REV3L: variants seen among roughly 807,000 people sequenced by gnomAD.
The protein encoded by REV3L is REV3 like, DNA directed polymerase zeta catalytic subunit.
Under a neutral mutation model 299.4 loss-of-function variants are expected in REV3L, and 69 were observed. The observed-to-expected ratio is 0.23, with a 90% CI of 0.19 to 0.28. The LOEUF (loss-of-function observed/expected upper bound fraction) is 0.28. Ranked by LOEUF, REV3L falls within the 10% of genes least tolerant of loss-of-function variation. The pLI is 1.00. For missense variants in REV3L, 3,128 were observed against 3,693.8 expected (o/e 0.85, Z 3.97); for synonymous variants, 1,238 against 1,271.4 (o/e 0.97, Z 0.56).
chr6:111,454,524 G>C (rs1789945734), intron 1 of REV3L, among the ~76,000 whole-genome samples: 1 of 151,932 alleles, frequency 6.6e-6, no homozygotes, highest in South Asian at 2.1e-4. Context: ...CACAAACTCT[G>C]TACCCATTAA....
chr6:111,357,218 A>ATGTTATATAT, intron 17 of REV3L, 93 bp from the exon 18 acceptor site: 2 of 393,352 alleles, frequency 5.1e-6, no homozygotes, highest in Non-Finnish European at 8.7e-6. Context: ...CTTTTAAGTA[A>ATGTTATATAT]AATTGTACTA....
chr6:111,447,201 G>T (rs571994493), intron 1 of REV3L, among the ~76,000 whole-genome samples: 16 of 152,254 alleles, frequency 1.1e-4, no homozygotes, highest in Non-Finnish European at 2.2e-4. Flanking sequence ...ACTTAATACG[G>T]GTGGCTGCAA....
chr6:111,422,633 CATAT>C lies in REV3L; in HGVS notation c.140-6165_140-6162del, dbSNP rs61502240. Among the ~76,000 whole-genome samples, 76 of 17,078 alleles carry C rather than the reference CATAT, an allele frequency of 4.5e-3. 13 individuals are homozygous for C. The highest frequency in any genetic ancestry group is 0.026 in the East Asian group (27 of 1,048). 11.2% of individuals were successfully genotyped at this position (17,078 alleles called of 152,430 possible). A position where few individuals can be genotyped will look rare whatever the true frequency, so the allele number is the denominator to read the frequency against. The stretch of plus-strand genomic sequence containing the variant: ...ATATACACATATATATATATATACA[CATAT>C]ATATATATATACATATATATATATA... On this transcript the variant is annotated intron_variant, in intron 1 of 31. Transcript: ENST00000368802.
intron 18 of REV3L, chr6:111,356,759 C>A: frequency 4.8e-6 from 1 of 210,200 alleles, no homozygotes. Context: ...TAGTTAGAGG[C>A]TAAACAAATA....
At chr6:111,328,200 A>G (rs777663628) in intron 25 of REV3L, among the ~76,000 whole-genome samples, 3 of 152,240 alleles carry the variant, frequency 2.0e-5, no homozygotes, top group Non-Finnish European at 2.9e-5. Flanking sequence ...GTTGTGCTTT[A>G]TATCTACTGG....
intron 1 of REV3L, chr6:111,431,804 T>C (rs1300084124): frequency 2.5e-5 from 17 of 681,882 alleles, no homozygotes; most frequent in Admixed American, 4.4e-5. Flanking sequence ...TATTTGATTA[T>C]ATATTATGTA....
At chr6:111,403,766 C>A (rs1160468673) in intron 4 of REV3L, among the ~76,000 whole-genome samples, 1 of 152,130 alleles carries the variant, frequency 6.6e-6, no homozygotes, top group Non-Finnish European at 1.5e-5. Flanking sequence ...CACTTTAAAT[C>A]AAAAACTAAA....
At chr6:111,462,753 T>A (rs1000591914) in intron 1 of REV3L, among the ~76,000 whole-genome samples, 18 of 152,190 alleles carry the variant, frequency 1.2e-4, no homozygotes, top group African/African-American at 3.4e-4. Context: ...CATTACTTAG[T>A]AGAGATGTGC....
intron 1 of REV3L, among the ~76,000 whole-genome samples, chr6:111,467,789 C>A (rs1791687178): frequency 6.6e-6 from 1 of 152,082 alleles, no homozygotes; most frequent in Non-Finnish European, 1.5e-5. Flanking sequence ...ATTTTTATAT[C>A]CTCAGGGATT....
Position 111,483,067 on chromosome 6 carries a change from G to GCCT in REV3L, c.-182_-180dup, listed in dbSNP as rs1233054951. Reference sequence around the variant, plus strand: ...GGGCGGTGTAGGCGCTGCTGCCGCCGCCTCCTCAGGAGCACCCGGCAAGGG... The same window carrying GCCT: ...GGGCGGTGTAGGCGCTGCTGCCGCCGCCTCCTCCTCAGGAGCACCCGGCAAGGG... On this transcript the variant is annotated 5_prime_UTR_variant, in exon 1 of 32. Coordinates refer to ENST00000368802, the MANE Select transcript of REV3L (RefSeq NM_001372078.1). 3.6e-4 allele frequency: 257 copies of GCCT among 707,056 alleles called. No individual in the cohort carries two copies. The highest frequency in any genetic ancestry group is 4.9e-4 in the Non-Finnish European group (236 of 480,810). The allele number at this position is 707,056 out of a possible 1,614,324, so 43.8% of individuals were successfully genotyped here.
At chr6:111,344,110 G>C in intron 20 of REV3L, 67 bp from the exon 21 acceptor site, 5 of 999,162 alleles carry the variant, frequency 5.0e-6, no homozygotes, top group South Asian at 1.6e-5. Context: ...GGTTCTAAAA[G>C]ATACCAATAT....
At chr6:111,421,309 G>T (rs558154508) in intron 1 of REV3L, among the ~76,000 whole-genome samples, 3 of 152,004 alleles carry the variant, frequency 2.0e-5, no homozygotes, top group Admixed American at 2.0e-4. Flanking sequence ...ATTCAGTTTC[G>T]ATAAACACAA....
At chr6:111,440,096 C>T (rs1009437304) in intron 1 of REV3L, among the ~76,000 whole-genome samples, 1 of 151,580 alleles carries the variant, frequency 6.6e-6, no homozygotes, top group African/African-American at 2.4e-5. Flanking sequence ...GGAGGAGTTT[C>T]GCTCTTGTTG....
chr6:111,464,356 A>C (rs923510952), intron 1 of REV3L, among the ~76,000 whole-genome samples: 5 of 152,240 alleles, frequency 3.3e-5, no homozygotes, highest in Non-Finnish European at 7.3e-5. Context: ...TACCCTACCT[A>C]CTGGCAAACA....
chr6:111,413,606 T>G lies in REV3L; in HGVS notation c.330-2052A>C, dbSNP rs1378378556. On this transcript the variant is annotated intron_variant, in intron 2 of 31. Transcript: ENST00000368802. ...TTTGGTAGCTAGATGCAACTTTATG[T>G]AACTTAAGTAGGAAAAATTGAAGGA... 2.0e-5 allele frequency among the ~76,000 whole-genome samples: 3 copies of G among 151,970 alleles called. No individual in the cohort carries two copies. In the East Asian group the frequency reaches 5.8e-4, roughly 29 times the overall value.
intron 25 of REV3L, among the ~76,000 whole-genome samples, chr6:111,327,100 T>TA (rs911842082): frequency 6.6e-5 from 10 of 152,362 alleles, no homozygotes; most frequent in Admixed American, 3.9e-4. Context: ...ACCCTATTCC[T>TA]AAACTTCCAC....
chr6:111,481,917 T>C (rs1181691391), intron 1 of REV3L, among the ~76,000 whole-genome samples: 2 of 152,174 alleles, frequency 1.3e-5, no homozygotes, highest in African/African-American at 4.8e-5. Flanking sequence ...AATATATACC[T>C]GTACTTAAAA....
chr6:111,461,599 T>C (rs1386154249), intron 1 of REV3L, among the ~76,000 whole-genome samples: 3 of 151,962 alleles, frequency 2.0e-5, no homozygotes, highest in Non-Finnish European at 2.9e-5. Flanking sequence ...TGATTGCATA[T>C]ATATAAAAGT....
At chr6:111,300,265 G>GACAT in intron 31 of REV3L, 109 bp from the exon 32 acceptor site, 1 of 773,326 alleles carries the variant, frequency 1.3e-6, no homozygotes, top group Non-Finnish European at 1.9e-6. Flanking sequence ...ATTACTGGCA[G>GACAT]ACATACATTA....
Sources: allele counts gnomAD v4.1 joint callset (sites outside exome capture counted in the v4.1 genomes callset), GRCh38; gene constraint gnomAD v4.1.1; transcripts MANE v1.5; gene names NCBI Gene and HGNC (gene_info 2026-07-23, HGNC 2026-07-21).